The following TMEM74 variants were observed in gnomAD, a reference collection of about 807,000 sequenced individuals.
TMEM74 encodes the protein transmembrane protein 74.
In TMEM74, 13 loss-of-function variants were observed where a neutral mutation model predicts 18.1. That is an observed-to-expected ratio of 0.72 (90% CI 0.47 to 1.14). The LOEUF is 1.14. Ranked by LOEUF, TMEM74 falls within the 50% of genes most tolerant of loss-of-function variation. TMEM74 has a pLI of 0.00. For synonymous variants in TMEM74, 159 were observed against 146.6 expected (o/e 1.08, Z -0.61); for missense variants, 372 against 375.9 (o/e 0.99, Z 0.09).
At chr8:108,642,578 T>C (rs368300649) in intron 2 of TMEM74, among the ~76,000 whole-genome samples, 64 of 152,104 alleles carry the variant, frequency 4.2e-4, no homozygotes, top group East Asian at 1.9e-4. Context: ...TGCATAGTGT[T>C]CAACAAATTT....
At chr8:108,761,860 T>C (rs900770115) in intron 1 of TMEM74, among the ~76,000 whole-genome samples, 1 of 152,146 alleles carries the variant, frequency 6.6e-6, no homozygotes, top group Non-Finnish European at 1.5e-5. Context: ...TCCAAAAAAA[T>C]TCGTCAAACA....
At chr8:108,737,852 A>T (rs1813763624) in intron 1 of TMEM74, among the ~76,000 whole-genome samples, 1 of 152,184 alleles carries the variant, frequency 6.6e-6, no homozygotes, top group Non-Finnish European at 1.5e-5. Context: ...CTGTAAAATG[A>T]TTTTGGTACT....
chr8:108,633,076 A>G (rs998977341), intron 2 of TMEM74, among the ~76,000 whole-genome samples: 1 of 152,014 alleles, frequency 6.6e-6, no homozygotes, highest in African/African-American at 2.4e-5. Context: ...TATGACTTGC[A>G]TGAAATAAAA....
At chr8:108,696,508 G>A (rs1341942635) in intron 1 of TMEM74, among the ~76,000 whole-genome samples, 1 of 152,166 alleles carries the variant, frequency 6.6e-6, no homozygotes, top group Non-Finnish European at 1.5e-5. Flanking sequence ...TGCAAATAGC[G>A]GTAGCAAATT....
intron 1 of TMEM74, among the ~76,000 whole-genome samples, chr8:108,743,246 T>C (rs140768098): frequency 9.7e-4 from 148 of 152,316 alleles, no homozygotes; most frequent in African/African-American, 3.5e-3. Flanking sequence ...GGTGATAAAA[T>C]GGTAATATAA....
intron 1 of TMEM74, among the ~76,000 whole-genome samples, chr8:108,661,211 C>T (rs1406910352): frequency 6.6e-6 from 1 of 151,926 alleles, no homozygotes; most frequent in East Asian, 1.9e-4. Flanking sequence ...GAACTGTTGG[C>T]CAAAATTATG....
chr8:108,707,797 A>G (rs1182908916), intron 1 of TMEM74, among the ~76,000 whole-genome samples: 1 of 152,218 alleles, frequency 6.6e-6, no homozygotes, highest in Non-Finnish European at 1.5e-5. Flanking sequence ...GACTTCTTGG[A>G]TATGACACCA....
At chr8:108,699,549 T>C (rs954750084) in intron 1 of TMEM74, among the ~76,000 whole-genome samples, 2 of 152,042 alleles carry the variant, frequency 1.3e-5, no homozygotes, top group Non-Finnish European at 2.9e-5. Context: ...TCAGATATAT[T>C]TGGGGAACAA....
chr8:108,630,337 T>C (rs890091544), intron 2 of TMEM74, among the ~76,000 whole-genome samples: 27 of 151,390 alleles, frequency 1.8e-4, no homozygotes, highest in African/African-American at 6.6e-4. Flanking sequence ...AACAAGTTAT[T>C]AGAGATCTAC....
intron 1 of TMEM74, among the ~76,000 whole-genome samples, chr8:108,665,115 T>G (rs1039805027): frequency 3.9e-5 from 6 of 152,074 alleles, no homozygotes; most frequent in African/African-American, 1.4e-4. Flanking sequence ...TTACTATGAA[T>G]AGTGAATTAC....
intron 2 of TMEM74, chr8:108,652,690 C>A (rs1812786216): frequency 3.6e-6 from 2 of 562,136 alleles, no homozygotes; most frequent in South Asian, 1.9e-5. Context: ...GGAATCTGCC[C>A]CTAACACAGC....
intron 2 of TMEM74, among the ~76,000 whole-genome samples, chr8:108,631,124 G>C (rs142486568): frequency 6.9e-4 from 105 of 152,124 alleles, no homozygotes; most frequent in African/African-American, 2.3e-3. Context: ...GCATGGGCTG[G>C]GAATAGATTT....
intron 1 of TMEM74, among the ~76,000 whole-genome samples, chr8:108,679,610 T>A (rs1006465247): frequency 6.6e-6 from 1 of 152,166 alleles, no homozygotes; most frequent in African/African-American, 2.4e-5. Flanking sequence ...TTTTTTCTTG[T>A]AAATTTGTTG....
intron 2 of TMEM74, among the ~76,000 whole-genome samples, chr8:108,638,995 G>C (rs533486192): frequency 3.4e-4 from 51 of 152,118 alleles, no homozygotes; most frequent in Non-Finnish European, 5.7e-4. Context: ...CACCACCAGT[G>C]AACAGGCCAT....
downstream of TMEM74, among the ~76,000 whole-genome samples, chr8:108,778,620 T>A (rs551991534): frequency 2.6e-5 from 4 of 152,178 alleles, no homozygotes; most frequent in Admixed American, 1.3e-4. Context: ...TCCAAATGTC[T>A]CTTTAGAGTT....
At chr8:108,687,529 C>G (rs1813183329) in intron 1 of TMEM74, among the ~76,000 whole-genome samples, 1 of 152,020 alleles carries the variant, frequency 6.6e-6, no homozygotes, top group South Asian at 2.1e-4. Context: ...CACTTTATTT[C>G]CATTAGTATT....
chr8:108,743,747 G>C (rs951748463), intron 1 of TMEM74, among the ~76,000 whole-genome samples: 5 of 151,980 alleles, frequency 3.3e-5, no homozygotes, highest in African/African-American at 9.7e-5. Context: ...ATATCAATAG[G>C]CTCAGCCAGC....
At chr8:108,744,568 C>T (rs910174029) in intron 1 of TMEM74, among the ~76,000 whole-genome samples, 6 of 151,976 alleles carry the variant, frequency 3.9e-5, no homozygotes, top group East Asian at 1.9e-4. Context: ...CTACATTTTA[C>T]GTAAGAGAAG....
intron 2 of TMEM74, among the ~76,000 whole-genome samples, chr8:108,648,183 A>G (rs1269112835): frequency 6.6e-6 from 1 of 152,124 alleles, no homozygotes; most frequent in Admixed American, 6.6e-5. Context: ...ATATTTTTCT[A>G]CCTGTTGAGT....
Sources: allele counts gnomAD v4.1 joint callset (sites outside exome capture counted in the v4.1 genomes callset), GRCh38; gene constraint gnomAD v4.1.1; transcripts MANE v1.5; gene names NCBI Gene and HGNC (gene_info 2026-07-23, HGNC 2026-07-21).